FGF14: variants seen among roughly 807,000 people sequenced by gnomAD.
FGF14 encodes fibroblast growth factor homologous factor 4.
Under a neutral mutation model 25.5 loss-of-function variants are expected in FGF14, and 5 were observed. That is an observed-to-expected ratio of 0.20 (90% confidence interval 0.10 to 0.41). The LOEUF (loss-of-function observed/expected upper bound fraction) is 0.41, where lower values mean the gene tolerates loss of function less well. Among genes scored for constraint, FGF14 ranks in the 10% least tolerant of loss-of-function variants. The pLI is 1.00. For missense variants in FGF14, 222 were observed against 320.1 expected (o/e 0.69, Z 2.34); for synonymous variants, 138 against 118.3 (o/e 1.17, Z -1.08).
At chr13:102,307,977 A>G (rs745687978) in intron 1 of FGF14, among the ~76,000 whole-genome samples, 1 of 152,174 alleles carries the variant, frequency 6.6e-6, no homozygotes, top group Non-Finnish European at 1.5e-5. Context: ...ATAACTTTCA[A>G]GGTGTCTCAC....
intron 1 of FGF14, among the ~76,000 whole-genome samples, chr13:102,048,929 T>A (rs2042104731): frequency 6.6e-6 from 1 of 152,222 alleles, no homozygotes; most frequent in Non-Finnish European, 1.5e-5. Context: ...TAAATCGGAA[T>A]AACTTCCCTT....
chr13:102,019,023 T>C (rs531922149), intron 1 of FGF14, among the ~76,000 whole-genome samples: 1 of 152,244 alleles, frequency 6.6e-6, no homozygotes, highest in East Asian at 1.9e-4. Flanking sequence ...TATCTATCAG[T>C]CCTCTATAAA....
At chr13:101,763,134 G>C (rs1245844116) in intron 3 of FGF14, among the ~76,000 whole-genome samples, 1 of 152,216 alleles carries the variant, frequency 6.6e-6, no homozygotes, top group Non-Finnish European at 1.5e-5. Flanking sequence ...GTTTGGCAGG[G>C]TTGGAATTAG....
chr13:101,944,986 T>A (rs777749452), intron 1 of FGF14, among the ~76,000 whole-genome samples: 3 of 152,062 alleles, frequency 2.0e-5, no homozygotes, highest in Non-Finnish European at 4.4e-5. Flanking sequence ...TGCAAGACAA[T>A]GTGAATGTAC....
intron 1 of FGF14, among the ~76,000 whole-genome samples, chr13:101,936,660 G>T (rs956498922): frequency 6.6e-6 from 1 of 152,168 alleles, no homozygotes; most frequent in East Asian, 1.9e-4. Flanking sequence ...GGAGCTAGCT[G>T]CCTTCTTCCT....
chr13:102,047,253 C>A (rs942290670), intron 1 of FGF14, among the ~76,000 whole-genome samples: 1 of 152,016 alleles, frequency 6.6e-6, no homozygotes, highest in African/African-American at 2.4e-5. Context: ...ACCATTTTAT[C>A]CCCTTCCTAC....
intron 1 of FGF14, among the ~76,000 whole-genome samples, chr13:101,945,458 G>A (rs2035740766): frequency 6.6e-6 from 1 of 152,184 alleles, no homozygotes; most frequent in Admixed American, 6.5e-5. Context: ...TATATGAACT[G>A]TTAGAACAGT....
At chr13:101,828,021 T>A (rs1468427108) in intron 3 of FGF14, among the ~76,000 whole-genome samples, 4 of 151,948 alleles carry the variant, frequency 2.6e-5, no homozygotes, top group Non-Finnish European at 5.9e-5. Flanking sequence ...TGAATTATTA[T>A]GAAATCTACT....
At chr13:102,087,559 C>A (rs1450410236) in intron 1 of FGF14, among the ~76,000 whole-genome samples, 2 of 146,758 alleles carry the variant, frequency 1.4e-5, no homozygotes, top group Admixed American at 6.9e-5. Context: ...CTACAGGCAC[C>A]TGCCACCATG....
At chr13:101,858,882 A>G (rs1342131810) in intron 3 of FGF14, among the ~76,000 whole-genome samples, 1 of 152,104 alleles carries the variant, frequency 6.6e-6, no homozygotes, top group Admixed American at 6.6e-5. Flanking sequence ...AACATTTACT[A>G]AAAATTAGGG....
chr13:101,842,732 A>C (rs73561291), intron 3 of FGF14, among the ~76,000 whole-genome samples: 1 of 152,042 alleles, frequency 6.6e-6, no homozygotes, highest in African/African-American at 2.4e-5. Context: ...AAGGAGCATC[A>C]CTAAGCATGT....
chr13:102,175,688 A>G (rs1159005324), intron 1 of FGF14, among the ~76,000 whole-genome samples: 1 of 152,136 alleles, frequency 6.6e-6, no homozygotes, highest in Non-Finnish European at 1.5e-5. Context: ...AATAAGATCT[A>G]TAATATGTAA....
At chr13:102,328,396 T>C (rs2056529505) in intron 1 of FGF14, among the ~76,000 whole-genome samples, 1 of 152,254 alleles carries the variant, frequency 6.6e-6, no homozygotes, top group African/African-American at 2.4e-5. Context: ...GTCTTCCAGA[T>C]AGACTATTTT....
intron 1 of FGF14, among the ~76,000 whole-genome samples, chr13:102,394,041 A>G (rs74382678): frequency 0.016 from 2,439 of 152,292 alleles, 71 homozygotes; most frequent in African/African-American, 0.056. Flanking sequence ...GGATTACTCT[A>G]ATCAATATCC....
intron 1 of FGF14, among the ~76,000 whole-genome samples, chr13:102,318,740 T>C (rs988235460): frequency 6.6e-6 from 1 of 152,298 alleles, no homozygotes. Context: ...AATTTCCAAG[T>C]AAGGTCATAT....
chr13:102,266,389 C>G (rs565383470), intron 1 of FGF14, among the ~76,000 whole-genome samples: 1 of 152,202 alleles, frequency 6.6e-6, no homozygotes, highest in South Asian at 2.1e-4. Context: ...CAGTGATAAG[C>G]AAACTCTAAA....
intron 3 of FGF14, among the ~76,000 whole-genome samples, chr13:101,868,162 A>C (rs1024709818): frequency 6.6e-6 from 1 of 152,174 alleles, no homozygotes; most frequent in South Asian, 2.1e-4. Context: ...ATATGCATGA[A>C]TACAGCATAT....
At chr13:101,759,050 T>C (rs934487448) in intron 3 of FGF14, among the ~76,000 whole-genome samples, 13 of 152,186 alleles carry the variant, frequency 8.5e-5, no homozygotes, top group African/African-American at 3.1e-4. Context: ...TATGACTGCT[T>C]TCTGAGTCAA....
chr13:102,110,109 G>A (rs1362771227), intron 1 of FGF14, among the ~76,000 whole-genome samples: 1 of 152,122 alleles, frequency 6.6e-6, no homozygotes, highest in Non-Finnish European at 1.5e-5. Context: ...TTTCTCTTAA[G>A]TCTACTTGCT....
Sources: gnomAD v4.1 joint callset for allele counts (sites outside exome capture counted in the v4.1 genomes callset) on GRCh38, gnomAD v4.1.1 for gene constraint, MANE v1.5 for transcripts, NCBI Gene and HGNC (gene_info 2026-07-23, HGNC 2026-07-21) for gene names.